Variants in FASTKD5 observed in about 807,000 individuals in gnomAD.
The protein encoded by FASTKD5 is non-canonical pre-mRNAs endonuclease FASTKD5, mitochondrial.
In FASTKD5, 30 loss-of-function variants were observed where a neutral mutation model predicts 44.0. That is an observed-to-expected ratio of 0.68 (90% CI 0.51 to 0.93). FASTKD5 has a LOEUF of 0.93. FASTKD5 is among the 40% of genes least tolerant of loss of function. FASTKD5 has a pLI of 0.00. For missense variants in FASTKD5, 868 were observed against 908.2 expected, an observed-to-expected ratio of 0.96 and a Z score of 0.57; for synonymous variants, 335 against 342.2, an observed-to-expected ratio of 0.98 and a Z score of 0.23.
At chr20:3,152,701 A>C (rs2066643795) in intron 1 of FASTKD5, among the ~76,000 whole-genome samples, 1 of 152,082 alleles carries the variant, frequency 6.6e-6, no homozygotes. Context: ...TGAGGACAGG[A>C]GTTCAAGACC....
chr20:3,155,191 C>G (rs148291061), intron 1 of FASTKD5, among the ~76,000 whole-genome samples: 1,856 of 151,920 alleles, frequency 0.012, 23 homozygotes, highest in South Asian at 0.032. Flanking sequence ...GCCAGGAGTT[C>G]TAGACCAGCC....
chr20:3,147,689 T>C lies in FASTKD5; in HGVS notation c.1382A>G (p.Lys461Arg). The change falls in exon 2 of 2, where the codon AAG (lysine) becomes AGG (arginine). Residue 461 changes from lysine (K) to arginine (R), a missense_variant. Transcript: ENST00000380266. ...TGGGTACTGGTTGAATTCAGGCATCTTTCTGTGAATCTCACTTATCAGGCT... is the reference window on the plus strand; with the variant it reads ...TGGGTACTGGTTGAATTCAGGCATCCTTCTGTGAATCTCACTTATCAGGCT... ...YSSLISEIHR[K>R]MPEFNQYPEH... The C allele has an allele frequency of 6.2e-7, 1 of 1,614,232 alleles. No homozygotes were observed. Among genetic ancestry groups the C allele is most frequent in the Non-Finnish European group, 8.5e-7 (1 of 1,180,048 alleles).
rs369103050 is a variant in FASTKD5 at position 3,147,676 on chromosome 20, G to T, written c.1395C>A (p.Phe465Leu). 6.4e-5 allele frequency: 103 copies of T among 1,614,122 alleles called. No homozygotes were observed. The highest frequency in any genetic ancestry group is 9.3e-5 in the African/African-American group (7 of 74,946). The change falls in exon 2 of 2, where the codon TTC (phenylalanine) becomes TTA (leucine). Residue 465 changes from phenylalanine (F) to leucine (L), a missense_variant. Coordinates refer to ENST00000380266, the MANE Select transcript of FASTKD5 (RefSeq NM_021826.5). ...ISEIHRKMPE[F>L]NQYPEHLPTC... ...TGGGCAGGTGTTCTGGGTACTGGTT[G>T]AATTCAGGCATCTTTCTGTGAATCT...
chr20:3,159,296 G>A (rs1397844993), intron 1 of FASTKD5, among the ~76,000 whole-genome samples: 2 of 152,184 alleles, frequency 1.3e-5, no homozygotes, highest in Non-Finnish European at 2.9e-5. Flanking sequence ...GTAGGGCCTT[G>A]CTACTCAGTG....
rs1001745869 is a variant in FASTKD5 at position 3,147,384 on chromosome 20, C to G, written c.1687G>C (p.Val563Leu). The change falls in exon 2 of 2, where the codon GTC (valine) becomes CTC (leucine). Residue 563 changes from valine (V) to leucine (L), a missense_variant. Physicochemically the swap from Val to Leu is conservative, Grantham distance 32. Transcript: ENST00000380266. ...MNSKPEFLET[V>L]FLLETMLGGP... ...CCCAGCATGGTCTCCAGTAAAAAGA[C>G]AGTTTCTAAGAATTCAGGCTTTGAA... 5.0e-6 allele frequency: 8 copies of G among 1,614,224 alleles called. No individual in the cohort carries two copies. The highest frequency in any genetic ancestry group is 6.8e-6 in the Non-Finnish European group (8 of 1,180,052).
chr20:3,151,686 T>C (rs2066626708), intron 1 of FASTKD5: 1 of 151,774 alleles, frequency 6.6e-6, no homozygotes, highest in South Asian at 2.1e-4. Context: ...GGAAAAACTA[T>C]AGAAAAATAG....
At chr20:3,151,617 C>T (rs1418314428) in intron 1 of FASTKD5, 2 of 145,820 alleles carry the variant, frequency 1.4e-5, no homozygotes, top group Non-Finnish European at 1.5e-5. Context: ...GCAAGACTGT[C>T]TAAAAAATAA....
rs1376623782 is a variant in FASTKD5 at position 3,148,453 on chromosome 20, C to G, written c.618G>C (p.Leu206=). ...KKIQLFDTQD[L]INVLKAFVIL... is the part of the protein sequence containing the mutation. ...TGACAAAAGCTTTCAAAACATTGAT[C>G]AGATCTTGGGTATCAAAGAGCTGTA... Residue 206 remains leucine (L), a synonymous_variant, in exon 2 of 2, where the codon CTG becomes CTC. Transcript: ENST00000380266. 1 of 1,614,130 alleles carries G rather than the reference C, an allele frequency of 6.2e-7. No homozygotes were observed. The highest frequency in any genetic ancestry group is 1.1e-5 in the South Asian group (1 of 91,074).
Position 3,148,480 on chromosome 20 carries a change from C to T in FASTKD5, c.591G>A (p.Lys197=). 2.5e-6 allele frequency: 4 copies of T among 1,614,128 alleles called. No homozygotes were observed. Among genetic ancestry groups the T allele is most frequent in the Non-Finnish European group, 2.5e-6 (3 of 1,180,026 alleles). ...FALLCQLSVK[K]IQLFDTQDLI... ...GATCTTGGGTATCAAAGAGCTGTATCTTCTTCACACTCAGCTGGCAGAGCA... is the reference window on the plus strand; with the variant it reads ...GATCTTGGGTATCAAAGAGCTGTATTTTCTTCACACTCAGCTGGCAGAGCA... Residue 197 remains lysine (K), a synonymous_variant, in exon 2 of 2, where the codon AAG becomes AAA. Transcript: ENST00000380266.
Position 3,147,090 on chromosome 20 carries a change from C to A in FASTKD5, c.1981G>T (p.Ala661Ser). The A allele has an allele frequency of 1.2e-6, 2 of 1,614,100 alleles. No homozygotes were observed. Among genetic ancestry groups the A allele is most frequent in the South Asian group, 2.2e-5 (2 of 91,090 alleles). ...GQQPMELENK[A>S]AVPLGGFLCN... ...AGGAAGCCCCCCAGAGGTACAGCTGCCTTATTCTCCAACTCCATGGGCTGC... is the reference window on the plus strand; with the variant it reads ...AGGAAGCCCCCCAGAGGTACAGCTGACTTATTCTCCAACTCCATGGGCTGC... The change falls in exon 2 of 2, where the codon GCA becomes TCA. Residue 661 changes from alanine (A) to serine (S), a missense_variant. By Grantham distance (99) the Ala-to-Ser change is moderately conservative. Coordinates refer to ENST00000380266, the MANE Select transcript of FASTKD5 (RefSeq NM_021826.5).
chr20:3,146,904 G>A lies in FASTKD5; in HGVS notation c.2167C>T (p.Arg723Trp), dbSNP rs1347412310. The change falls in exon 2 of 2, where the codon CGG becomes TGG. Residue 723 changes from arginine to tryptophan, a missense_variant. Physicochemically the swap from Arg to Trp is moderately radical, Grantham distance 101. Coordinates refer to ENST00000380266, the MANE Select transcript of FASTKD5 (RefSeq NM_021826.5). ...DLLGLHNMKR[R>W]QLARLGYRVV... ...CGGTAGCCAAGCCGAGCCAGCTGCC[G>A]CCTCTTCATATTGTGCAGTCCAAGG... 5.0e-6 allele frequency: 8 copies of A among 1,614,004 alleles called. No homozygotes were observed. The highest frequency in any genetic ancestry group is 1.3e-5 in the African/African-American group (1 of 74,884).
At chr20:3,158,560 G>A (rs763973353) in intron 1 of FASTKD5, among the ~76,000 whole-genome samples, 1 of 152,096 alleles carries the variant, frequency 6.6e-6, no homozygotes, top group Non-Finnish European at 1.5e-5. Flanking sequence ...TGCACACTCC[G>A]CCTCCCGGGG....
chr20:3,152,361 A>G (rs1470964724), intron 1 of FASTKD5, among the ~76,000 whole-genome samples: 1 of 151,332 alleles, frequency 6.6e-6, no homozygotes, highest in Non-Finnish European at 1.5e-5. Flanking sequence ...GGCGCCTGCA[A>G]TTGCAGCTGG....
chr20:3,147,115 C>T lies in FASTKD5; in HGVS notation c.1956G>A (p.Gln652=). 14 of 1,613,858 alleles carry T rather than the reference C, an allele frequency of 8.7e-6. No individual in the cohort carries two copies. Among genetic ancestry groups the T allele is most frequent in the Non-Finnish European group, 1.1e-5 (13 of 1,180,038 alleles). The change falls in exon 2 of 2, where the codon CAG becomes CAA. Residue 652 remains glutamine (Q), a synonymous_variant. Coordinates refer to ENST00000380266, the MANE Select transcript of FASTKD5 (RefSeq NM_021826.5). ...CCTTATTCTCCAACTCCATGGGCTG[C>T]TGCCCAGGCTCTGACTCAGTTTTGC... ...FQGKTESEPG[Q]QPMELENKAA...
intron 1 of FASTKD5, among the ~76,000 whole-genome samples, chr20:3,156,384 G>C (rs1270101725): frequency 1.3e-5 from 2 of 151,926 alleles, no homozygotes; most frequent in Admixed American, 6.6e-5. Flanking sequence ...TTGCCATGTT[G>C]GTCAGGCTGG....
intron 1 of FASTKD5, among the ~76,000 whole-genome samples, chr20:3,158,705 ACCTCGTGAT>A (rs1449048765): frequency 1.3e-5 from 2 of 151,674 alleles, no homozygotes; most frequent in Admixed American, 6.6e-5. Flanking sequence ...CGATCTCCTG[ACCTCGTGAT>A]CCGCCCGCCT....
At chr20:3,155,873 C>T (rs1478422068) in intron 1 of FASTKD5, among the ~76,000 whole-genome samples, 1 of 152,186 alleles carries the variant, frequency 6.6e-6, no homozygotes, top group Non-Finnish European at 1.5e-5. Flanking sequence ...ACTCTTTTCA[C>T]TATGCAACAT....
Position 3,149,989 on chromosome 20 carries a change from A to T in FASTKD5, c.-190-729T>A, listed in dbSNP as rs931227211. Reference sequence around the variant, plus strand: ...AGCCAAGACCGTGCCACTGCACTCCAGCCTAGGCGAAAAAGTGAGACTCCA... The same window carrying T: ...AGCCAAGACCGTGCCACTGCACTCCTGCCTAGGCGAAAAAGTGAGACTCCA... On this transcript the variant is annotated intron_variant, in intron 1 of 1. Transcript: ENST00000380266. This position sits in a 1 kb window ranked among gnomAD's most constrained non-coding sequence, Gnocchi z 4.1. Among the ~76,000 whole-genome samples the T allele has an allele frequency of 6.6e-6, 1 of 151,540 alleles. No individual in the cohort carries two copies. The highest frequency in any genetic ancestry group is 2.4e-5 in the African/African-American group (1 of 41,204).
chr20:3,159,213 G>C (rs2066720892), intron 1 of FASTKD5, among the ~76,000 whole-genome samples: 1 of 152,200 alleles, frequency 6.6e-6, no homozygotes, highest in South Asian at 2.1e-4. Flanking sequence ...TGCTAAAAAT[G>C]GGGGGAAGGT....
Sources: allele counts gnomAD v4.1 joint callset (sites outside exome capture counted in the v4.1 genomes callset), GRCh38; gene constraint gnomAD v4.1.1; non-coding constraint Gnocchi (gnomAD v3.1); transcripts MANE v1.5; gene names NCBI Gene and HGNC (gene_info 2026-07-23, HGNC 2026-07-21).